UTS2B: variants seen among roughly 807,000 people sequenced by gnomAD.
The protein encoded by UTS2B is urotensin 2B, also known as urotensin-2B.
Under a neutral mutation model 19.2 loss-of-function variants are expected in UTS2B, and 21 were observed. The ratio of observed to expected loss-of-function variants is 1.09; its 90% CI spans 0.78 to 1.58. UTS2B has a LOEUF of 1.58. UTS2B is among the 40% of genes most tolerant of loss of function. The probability of loss-of-function intolerance (pLI) is 0.00; values close to 1 mark genes in which losing one functional copy is unlikely to be tolerated. For missense variants in UTS2B, 138 were observed against 130.3 expected, an observed-to-expected ratio of 1.06 and a Z score of -0.29; for synonymous variants, 57 against 50.2, an observed-to-expected ratio of 1.14 and a Z score of -0.58.
chr3:191,324,841 G>A (rs1270955088), intron 2 of UTS2B, among the ~76,000 whole-genome samples: 2 of 152,104 alleles, frequency 1.3e-5, no homozygotes, highest in African/African-American at 2.4e-5. Context: ...TCGAGATTAG[G>A]AGTTCAAGAC....
At chr3:191,325,310 C>T (rs1195529237) in intron 2 of UTS2B, among the ~76,000 whole-genome samples, 4 of 150,434 alleles carry the variant, frequency 2.7e-5, no homozygotes, top group African/African-American at 9.9e-5. Flanking sequence ...ATAGGAAAGA[C>T]ATATGTTCTA....
chr3:191,274,856 C>T (rs965439169), intron 8 of UTS2B, among the ~76,000 whole-genome samples: 36 of 152,132 alleles, frequency 2.4e-4, no homozygotes, highest in African/African-American at 5.3e-4. Context: ...TGCTATGAAT[C>T]GAACCTTGGA....
chr3:191,275,107 T>C (rs1052911623), intron 8 of UTS2B, 145 bp downstream of exon 8: 2 of 553,372 alleles, frequency 3.6e-6, no homozygotes, highest in East Asian at 2.9e-5. Context: ...AACACTTTTA[T>C]TGGAATATAT....
intron 4 of UTS2B, among the ~76,000 whole-genome samples, chr3:191,282,613 A>C (rs1202680692): frequency 3.3e-5 from 5 of 152,208 alleles, no homozygotes; most frequent in African/African-American, 9.6e-5. Context: ...AAATCTTATT[A>C]ATACTAAAGC....
At chr3:191,268,943 A>G (rs1716015459) in intron 8 of UTS2B, among the ~76,000 whole-genome samples, 1 of 152,252 alleles carries the variant, frequency 6.6e-6, no homozygotes, top group Non-Finnish European at 1.5e-5. Context: ...CCACAAAATG[A>G]TATTTAAATA....
At chr3:191,325,114 A>T (rs1241605355) in intron 2 of UTS2B, among the ~76,000 whole-genome samples, 1 of 151,850 alleles carries the variant, frequency 6.6e-6, no homozygotes, top group East Asian at 1.9e-4. Flanking sequence ...AGAAGGAATG[A>T]CTCTGTATGT....
chr3:191,320,981 T>G (rs769745445), intron 2 of UTS2B, among the ~76,000 whole-genome samples: 2 of 152,228 alleles, frequency 1.3e-5, no homozygotes, highest in Non-Finnish European at 2.9e-5. Flanking sequence ...TGATTAGGTC[T>G]AAAGGGCTTC....
intron 4 of UTS2B, among the ~76,000 whole-genome samples, chr3:191,302,161 C>T (rs148727439): frequency 6.6e-6 from 1 of 152,282 alleles, no homozygotes; most frequent in Non-Finnish European, 1.5e-5. Flanking sequence ...AAGTCACCTC[C>T]GGCCATCCTC....
At chr3:191,334,808 AAAT>A (rs1172375568), upstream of UTS2B, among the ~76,000 whole-genome samples, 1 of 152,198 alleles carries the variant, frequency 6.6e-6, no homozygotes, top group African/African-American at 2.4e-5. Flanking sequence ...AGTAGAATGA[AAAT>A]AATAAGGCTT....
At chr3:191,312,706 T>C (rs1188530382) in intron 3 of UTS2B, among the ~76,000 whole-genome samples, 2 of 152,164 alleles carry the variant, frequency 1.3e-5, no homozygotes, top group Non-Finnish European at 2.9e-5. Context: ...AGAAACGAAG[T>C]GAGTCCCTGT....
intron 1 of UTS2B, chr3:191,329,628 T>A: frequency 6.3e-7 from 1 of 1,582,402 alleles, no homozygotes; most frequent in Non-Finnish European, 8.6e-7. Context: ...GCGCCGGCGG[T>A]GACCGGGAAG....
chr3:191,321,154 G>A (rs1252785303), intron 2 of UTS2B, among the ~76,000 whole-genome samples: 3 of 152,088 alleles, frequency 2.0e-5, no homozygotes. Context: ...GAAAATGGGG[G>A]CAGAAACACT....
At chr3:191,269,789 T>C (rs1716038119) in intron 8 of UTS2B, among the ~76,000 whole-genome samples, 1 of 152,262 alleles carries the variant, frequency 6.6e-6, no homozygotes, top group Non-Finnish European at 1.5e-5. Context: ...CCAAGACTTA[T>C]ACCACATGAA....
chr3:191,284,114 A>G (rs775445929), intron 4 of UTS2B, among the ~76,000 whole-genome samples: 5 of 152,274 alleles, frequency 3.3e-5, no homozygotes, highest in South Asian at 2.1e-4. Flanking sequence ...TGAAATTGGA[A>G]ATTTAGATAT....
intron 2 of UTS2B, 63 bp downstream of exon 2, chr3:191,328,568 G>C (rs1717815843): frequency 6.6e-6 from 1 of 152,388 alleles, no homozygotes; most frequent in Non-Finnish European, 1.5e-5. Context: ...GTGGAGGAAG[G>C]GGGAAGAGTG....
chr3:191,273,882 T>C (rs1463897612), intron 8 of UTS2B, among the ~76,000 whole-genome samples: 1 of 152,162 alleles, frequency 6.6e-6, no homozygotes, highest in African/African-American at 2.4e-5. Context: ...TTGACTTTTA[T>C]TTGAAATATA....
intron 6 of UTS2B, chr3:191,277,454 G>A (rs1289158883): frequency 6.6e-6 from 1 of 151,978 alleles, no homozygotes; most frequent in Non-Finnish European, 1.5e-5. Context: ...AGAGTAGCAC[G>A]GTATCATATT....
rs138713329 is a variant in UTS2B, at chr3:191,298,862, C to G, written c.-125+5630G>C. On this transcript the variant is annotated intron_variant, in intron 4 of 8. Transcript: ENST00000340524. ...CAGTGAAGTCCAGGATAAAGGGGGT[C>G]TCAGATGGAAATGAGGAACTTATTT... Among the ~76,000 whole-genome samples the G allele has an allele frequency of 3.0e-3, 454 of 152,170 alleles. 6 individuals are homozygous for G. Among genetic ancestry groups the G allele is most frequent in the African/African-American group, 9.5e-3 (393 of 41,524 alleles).
chr3:191,283,787 A>ATT (rs1172387965), intron 4 of UTS2B, among the ~76,000 whole-genome samples: 1 of 152,218 alleles, frequency 6.6e-6, no homozygotes, highest in Non-Finnish European at 1.5e-5. Flanking sequence ...TTTCTTAAGA[A>ATT]TTCAACCATG....
Sources: allele counts gnomAD v4.1 joint callset (sites outside exome capture counted in the v4.1 genomes callset), GRCh38; gene constraint gnomAD v4.1.1; transcripts MANE v1.5; gene names NCBI Gene and HGNC (gene_info 2026-07-23, HGNC 2026-07-21).